Variants in RGS6 observed in about 807,000 individuals in gnomAD.
The protein encoded by RGS6 is regulator of G protein signaling 6, also known as regulator of G-protein signaling 6.
In RGS6, 30 loss-of-function variants were observed where a neutral mutation model predicts 78.5. The observed-to-expected ratio is 0.38, with a 90% confidence interval of 0.29 to 0.52. RGS6 has a LOEUF of 0.52. Among genes scored for constraint, RGS6 ranks in the 20% least tolerant of loss-of-function variants. The pLI is 0.85. For synonymous variants in RGS6, 206 were observed against 206.0 expected, an observed-to-expected ratio of 1.00 and a Z score of 0.00; for missense variants, 495 against 609.7, an observed-to-expected ratio of 0.81 and a Z score of 1.98.
the RGS6 span, among the ~76,000 whole-genome samples, chr14:71,879,783 C>T: frequency 6.6e-6 from 1 of 152,182 alleles, no homozygotes; most frequent in African/African-American, 2.4e-5. Context: ...ATGTCTTTAT[C>T]AGCAGTGTGA....
At chr14:72,621,625 T>C in the RGS6 span, among the ~76,000 whole-genome samples, 2 of 152,156 alleles carry the variant, frequency 1.3e-5, no homozygotes, top group Non-Finnish European at 2.9e-5. Flanking sequence ...TCTTACTAGC[T>C]GCTATGTAAG....
At chr14:72,235,228 C>T (rs1219369053) in intron 2 of RGS6, among the ~76,000 whole-genome samples, 3 of 152,134 alleles carry the variant, frequency 2.0e-5, no homozygotes, top group Non-Finnish European at 2.9e-5. Context: ...CAATCCCAGT[C>T]TCTCCCACAC....
At chr14:72,350,779 C>T (rs1348140749) in intron 2 of RGS6, among the ~76,000 whole-genome samples, 3 of 152,104 alleles carry the variant, frequency 2.0e-5, no homozygotes, top group Admixed American at 6.6e-5. Flanking sequence ...GATTGATGCA[C>T]CTCACTATAT....
chr14:72,312,602 C>G (rs911284329), intron 2 of RGS6, among the ~76,000 whole-genome samples: 1 of 152,152 alleles, frequency 6.6e-6, no homozygotes, highest in Non-Finnish European at 1.5e-5. Flanking sequence ...CCCTGGCCAA[C>G]CTGTAACATA....
intron 2 of RGS6, among the ~76,000 whole-genome samples, chr14:72,045,812 A>G (rs913058839): frequency 1.3e-4 from 19 of 151,712 alleles, no homozygotes; most frequent in African/African-American, 4.6e-4. Flanking sequence ...GTCTTTTTGG[A>G]TTCCACTCTG....
At chr14:72,170,046 C>T (rs1362876707) in intron 2 of RGS6, among the ~76,000 whole-genome samples, 2 of 152,088 alleles carry the variant, frequency 1.3e-5, no homozygotes, top group Non-Finnish European at 2.9e-5. Flanking sequence ...CTTGAAGCAG[C>T]CTGTTTAGAT....
In RGS6 at chr14:72,544,156, G is replaced by A. The variant is rs551564401; in HGVS notation, c.1422+4062G>A. On this transcript the variant is annotated intron_variant, in intron 17 of 17. Coordinates refer to ENST00000553525, the MANE Select transcript of RGS6 (RefSeq NM_001204424.2). Reference sequence around the variant, plus strand: ...ACCAGGAGCATGCGTGGGAGGGAGAGGGGGCAAGAGGAATCGGGGCCAAGC... The same window carrying A: ...ACCAGGAGCATGCGTGGGAGGGAGAAGGGGCAAGAGGAATCGGGGCCAAGC... Among the ~76,000 whole-genome samples the A allele has an allele frequency of 6.6e-5, 10 of 151,130 alleles. No homozygotes were observed. In the Admixed American group the frequency reaches 6.6e-4, roughly 10 times the overall value.
chr14:72,341,138 G>C (rs1448783797), intron 2 of RGS6, among the ~76,000 whole-genome samples: 2 of 152,056 alleles, frequency 1.3e-5, no homozygotes, highest in Non-Finnish European at 2.9e-5. Context: ...TAATTGACTT[G>C]CAGTTCCACA....
intron 2 of RGS6, among the ~76,000 whole-genome samples, chr14:72,254,673 C>T (rs2056670306): frequency 6.6e-6 from 1 of 152,162 alleles, no homozygotes; most frequent in Non-Finnish European, 1.5e-5. Flanking sequence ...TTTCTCCCTT[C>T]TTTATGCTCA....
intron 2 of RGS6, among the ~76,000 whole-genome samples, chr14:72,316,896 A>AGTGTGTGTGTGT (rs71109731): frequency 0.01 from 1,439 of 141,888 alleles, 27 homozygotes; most frequent in African/African-American, 0.026. Context: ...AAGCAGGTGA[A>AGTGTGTGTGTGT]GTGTGTGTGT....
chr14:72,231,185 C>T (rs17109477), intron 2 of RGS6, among the ~76,000 whole-genome samples: 3 of 152,108 alleles, frequency 2.0e-5, no homozygotes, highest in Non-Finnish European at 2.9e-5. Context: ...GTTCCCCAAG[C>T]GTAAAGTGAC....
At chr14:71,961,806 G>GTA (rs763506789) in intron 1 of RGS6, among the ~76,000 whole-genome samples, 61 of 152,230 alleles carry the variant, frequency 4.0e-4, no homozygotes, top group Non-Finnish European at 7.2e-4. Flanking sequence ...TTTACTGTGT[G>GTA]TATATATATG....
At chr14:72,128,763 G>A (rs1431715912) in intron 2 of RGS6, among the ~76,000 whole-genome samples, 1 of 152,136 alleles carries the variant, frequency 6.6e-6, no homozygotes, top group Non-Finnish European at 1.5e-5. Flanking sequence ...ATGTTGGTAG[G>A]AAGTAGAAAA....
intron 2 of RGS6, among the ~76,000 whole-genome samples, chr14:71,991,929 G>A (rs1256426790): frequency 6.6e-6 from 1 of 152,100 alleles, no homozygotes. Context: ...GAATGGACAT[G>A]TCTGTATTCT....
At chr14:72,454,023 C>T (rs981607264) in intron 3 of RGS6, among the ~76,000 whole-genome samples, 1 of 152,224 alleles carries the variant, frequency 6.6e-6, no homozygotes, top group Non-Finnish European at 1.5e-5. Flanking sequence ...AGCTATGGCA[C>T]AGTGAGGAGA....
chr14:72,098,083 G>C (rs1192903083), intron 2 of RGS6, among the ~76,000 whole-genome samples: 4 of 152,232 alleles, frequency 2.6e-5, no homozygotes, highest in East Asian at 1.9e-4. Context: ...AGCCTGGGGT[G>C]GGGGAGATGT....
At chr14:72,319,176 T>C (rs761655544) in intron 2 of RGS6, among the ~76,000 whole-genome samples, 1 of 152,066 alleles carries the variant, frequency 6.6e-6, no homozygotes, top group Non-Finnish European at 1.5e-5. Flanking sequence ...TGCAGAACAC[T>C]CACTATAGGT....
chr14:72,525,056 T>C (rs971178222), intron 15 of RGS6, among the ~76,000 whole-genome samples: 1 of 152,220 alleles, frequency 6.6e-6, no homozygotes, highest in Non-Finnish European at 1.5e-5. Context: ...AGAAATTTGG[T>C]CTTCTTTACC....
At chr14:72,275,868 G>C (rs2060588274) in intron 2 of RGS6, among the ~76,000 whole-genome samples, 1 of 152,174 alleles carries the variant, frequency 6.6e-6, no homozygotes, top group Non-Finnish European at 1.5e-5. Context: ...CAGCTTTGGA[G>C]GGTACCTCAC....
Sources: allele counts gnomAD v4.1 joint callset (sites outside exome capture counted in the v4.1 genomes callset), GRCh38; gene constraint gnomAD v4.1.1; transcripts MANE v1.5; gene names NCBI Gene and HGNC (gene_info 2026-07-23, HGNC 2026-07-21).